The following RBBP8 variants were observed in gnomAD, a reference collection of about 807,000 sequenced individuals.
RBBP8 encodes RB binding protein 8, endonuclease.
In RBBP8, 88 loss-of-function variants were observed where a neutral mutation model predicts 108.3. The observed-to-expected ratio is 0.81, with a 90% CI of 0.68 to 0.97. The LOEUF (loss-of-function observed/expected upper bound fraction) is 0.97, where lower values mean the gene tolerates loss of function less well. RBBP8 is among the 50% of genes least tolerant of loss of function. The probability of loss-of-function intolerance (pLI) is 0.00; values close to 1 mark genes in which losing one functional copy is unlikely to be tolerated. For missense variants in RBBP8, 1,023 were observed against 1,049.0 expected, an observed-to-expected ratio of 0.98 and a Z score of 0.34; for synonymous variants, 332 against 348.2, an observed-to-expected ratio of 0.95 and a Z score of 0.52.
intron 15 of RBBP8, among the ~76,000 whole-genome samples, chr18:23,003,636 C>T (rs1197281508): frequency 6.6e-6 from 1 of 152,090 alleles, no homozygotes; most frequent in African/African-American, 2.4e-5. Context: ...GGAGTCAAGT[C>T]CCAAGTTCTG....
At chr18:22,995,125 C>G (rs955967931) in intron 12 of RBBP8, among the ~76,000 whole-genome samples, 1 of 152,070 alleles carries the variant, frequency 6.6e-6, no homozygotes, top group African/African-American at 2.4e-5. Flanking sequence ...CAAGTTATTC[C>G]TTTATTCTGG....
upstream of RBBP8, among the ~76,000 whole-genome samples, chr18:22,928,673 T>A (rs146329648): frequency 6.9e-6 from 1 of 144,834 alleles, no homozygotes; most frequent in African/African-American, 2.7e-5. Context: ...TAGCCTTTTT[T>A]TCTTTTTTTT....
chr18:22,989,505 A>G (rs1915539756), intron 9 of RBBP8, among the ~76,000 whole-genome samples, 187 bp downstream of exon 9: 1 of 152,208 alleles, frequency 6.6e-6, no homozygotes, highest in Non-Finnish European at 1.5e-5. Context: ...TGTAGAATCT[A>G]GAATTCTTGG....
In RBBP8 at chr18:22,948,860, T is replaced by TA. The variant is rs990413529; in HGVS notation, c.153-757dup. On this transcript the variant is annotated intron_variant, in intron 3 of 18. Transcript: ENST00000327155. The stretch of plus-strand genomic sequence containing the variant: ...TTAGAATTAAAATATGTGAATACTT[T>TA]ATATAATAAGGTGATTTTTAAAAAT... Among the ~76,000 whole-genome samples, 240 of 152,336 alleles carry TA rather than the reference T, an allele frequency of 1.6e-3. 1 individual carries two copies. The highest frequency in any genetic ancestry group is 5.4e-3 in the African/African-American group (223 of 41,580).
At chr18:23,016,434 C>T (rs922549710) in intron 16 of RBBP8, among the ~76,000 whole-genome samples, 5 of 152,052 alleles carry the variant, frequency 3.3e-5, no homozygotes, top group Non-Finnish European at 7.4e-5. Flanking sequence ...ATCCCAGCTA[C>T]GCAGAAGGCT....
intron 4 of RBBP8, among the ~76,000 whole-genome samples, chr18:22,951,136 G>A (rs891015496): frequency 6.6e-6 from 1 of 152,188 alleles, no homozygotes; most frequent in Non-Finnish European, 1.5e-5. Flanking sequence ...TTGAATTCCA[G>A]CTTCACCCTG....
chr18:22,948,255 T>C (rs1363129992), intron 3 of RBBP8, among the ~76,000 whole-genome samples: 1 of 152,126 alleles, frequency 6.6e-6, no homozygotes, highest in South Asian at 2.1e-4. Context: ...TAGGACATGA[T>C]TAATCACACC....
At chr18:23,006,319 T>G (rs954538533) in intron 15 of RBBP8, 44 bp from the exon 16 acceptor site, 21 of 1,526,512 alleles carry the variant, frequency 1.4e-5, no homozygotes, top group Non-Finnish European at 1.8e-5. Flanking sequence ...TTATTTCTCA[T>G]TAAGTTCTAC....
chr18:22,952,740 C>A (rs969671809), intron 4 of RBBP8, among the ~76,000 whole-genome samples: 28 of 152,126 alleles, frequency 1.8e-4, no homozygotes, highest in Non-Finnish European at 2.6e-4. Flanking sequence ...TGTGGTGAGG[C>A]GCTTCCTTCT....
At chr18:23,013,574 A>G (rs1344448789) in intron 16 of RBBP8, among the ~76,000 whole-genome samples, 1 of 152,202 alleles carries the variant, frequency 6.6e-6, no homozygotes. Flanking sequence ...TGACTCCACT[A>G]CTGAGCTATA....
In RBBP8 at chr18:22,970,471, A is replaced by G. The variant is rs183319138; in HGVS notation, c.361+1553A>G. The stretch of plus-strand genomic sequence containing the variant: ...ATTGTATGCCATAGTATAGGTGTCA[A>G]TTTTTTAGCTATTGTCACTTTAATG... On this transcript the variant is annotated intron_variant, in intron 5 of 18. Transcript: ENST00000327155. Among the ~76,000 whole-genome samples the G allele has an allele frequency of 1.9e-3, 283 of 152,318 alleles. 1 individual carries two copies. The highest frequency in any genetic ancestry group is 3.0e-3 in the Admixed American group (46 of 15,300).
chr18:22,968,925 T>G lies in RBBP8; in HGVS notation c.361+7T>G. The G allele has an allele frequency of 6.3e-7, 1 of 1,576,944 alleles. No homozygotes were observed. Among genetic ancestry groups the G allele is most frequent in the African/African-American group, 1.4e-5 (1 of 73,986 alleles). ...AAACTTATTACAGAACTTAGTGAGT[T>G]TCCTTTCTTCATTTATTATTTAAAG... On this transcript the variant is annotated splice_region_variant and intron_variant, in intron 5 of 18. Transcript: ENST00000327155.
In RBBP8 at chr18:22,922,752, G is replaced by A. The variant is rs77559584; in HGVS notation, c.-154+5726G>A. ...AGTGCTAGGATTACAGGCATGAGCC[G>A]CCGCACTTGGCCAATAAATAATTTC... is the stretch of plus-strand genomic sequence containing the variant. On this transcript the variant is annotated intron_variant, in intron 3 of 4. Coordinates refer to the RBBP8 transcript ENST00000577588. Among the ~76,000 whole-genome samples the A allele has an allele frequency of 1.2e-3, 176 of 152,220 alleles. 1 individual carries two copies. In the East Asian group the frequency reaches 0.03, roughly 26 times the overall value.
intron 16 of RBBP8, among the ~76,000 whole-genome samples, chr18:23,007,241 G>A (rs539557677): frequency 7.3e-5 from 11 of 151,100 alleles, no homozygotes; most frequent in Admixed American, 5.9e-4. Flanking sequence ...GGCTGGTCTC[G>A]AACTCCTGAC....
intron 15 of RBBP8, among the ~76,000 whole-genome samples, chr18:23,005,915 A>G (rs952330376): frequency 6.6e-6 from 1 of 151,860 alleles, no homozygotes; most frequent in African/African-American, 2.4e-5. Flanking sequence ...GGCAGGGTGC[A>G]GTGGCTCACG....
intron 8 of RBBP8, among the ~76,000 whole-genome samples, chr18:22,987,349 C>T (rs62095208): frequency 0.16 from 23,839 of 152,056 alleles, 2,277 homozygotes; most frequent in African/African-American, 0.27. Flanking sequence ...ATTCACAAAC[C>T]CTTTCTTACT....
intron 6 of RBBP8, among the ~76,000 whole-genome samples, chr18:22,976,747 T>C (rs1246158186): frequency 6.6e-6 from 1 of 152,086 alleles, no homozygotes; most frequent in Non-Finnish European, 1.5e-5. Flanking sequence ...TAGCTTATGG[T>C]ATTTTGAACA....
intron 6 of RBBP8, among the ~76,000 whole-genome samples, chr18:22,975,941 G>C (rs1197745020): frequency 6.6e-6 from 1 of 152,058 alleles, no homozygotes; most frequent in Non-Finnish European, 1.5e-5. Flanking sequence ...GAGCAGAGCA[G>C]AGATATGACT....
At chr18:22,920,213 G>A (rs1052235137) in intron 3 of RBBP8, among the ~76,000 whole-genome samples, 3 of 152,090 alleles carry the variant, frequency 2.0e-5, no homozygotes, top group African/African-American at 4.8e-5. Flanking sequence ...AGGATCACTT[G>A]ATCCCAAGAG....
Sources: gnomAD v4.1 joint callset for allele counts (sites outside exome capture counted in the v4.1 genomes callset) on GRCh38, gnomAD v4.1.1 for gene constraint, MANE v1.5 for transcripts, NCBI Gene and HGNC (gene_info 2026-07-23, HGNC 2026-07-21) for gene names.